CLCN3: variants seen among roughly 807,000 people sequenced by gnomAD.
The protein encoded by CLCN3 is H(+)/Cl(-) exchange transporter 3.
A neutral mutation model predicts 83.4 loss-of-function variants in CLCN3; 16 were observed. That is an observed-to-expected ratio of 0.19 (90% confidence interval 0.13 to 0.29). The LOEUF (loss-of-function observed/expected upper bound fraction) is 0.29. Ranked by LOEUF, CLCN3 falls within the 10% of genes least tolerant of loss-of-function variation. The pLI, the probability that CLCN3 is intolerant of heterozygous loss-of-function variation, is 1.00. For synonymous variants in CLCN3, 322 were observed against 346.2 expected (o/e 0.93, Z 0.78); for missense variants, 544 against 1,006.0 (o/e 0.54, Z 6.21).
At chr4:169,633,645 A>G (rs1419269778) in intron 1 of CLCN3, among the ~76,000 whole-genome samples, 3 of 152,250 alleles carry the variant, frequency 2.0e-5, no homozygotes, top group African/African-American at 7.2e-5. Context: ...TGCAAGCCAC[A>G]TAGGTAATTT....
chr4:169,638,791 T>C lies in CLCN3; in HGVS notation c.160+2703T>C, dbSNP rs182377380. ...AAAGGATCTATTTGTGTTGCTCTTT[T>C]ATCAGGGAGGATAATTTTTCTAGAA... On this transcript the variant is annotated intron_variant, in intron 2 of 12. Coordinates refer to ENST00000513761, the MANE Select transcript of CLCN3 (RefSeq NM_001829.4). Among the ~76,000 whole-genome samples, 567 of 152,302 alleles carry C rather than the reference T, an allele frequency of 3.7e-3. 6 individuals are homozygous for C. Among genetic ancestry groups the C allele is most frequent in the African/African-American group, 0.012 (508 of 41,552 alleles).
At chr4:169,668,967 G>T (rs760801832) in intron 2 of CLCN3, among the ~76,000 whole-genome samples, 1 of 152,084 alleles carries the variant, frequency 6.6e-6, no homozygotes, top group Non-Finnish European at 1.5e-5. Context: ...AGCTGGGGAG[G>T]AGAAGGTATC....
intron 3 of CLCN3, among the ~76,000 whole-genome samples, chr4:169,687,243 T>C (rs1014608064): frequency 6.6e-6 from 1 of 152,184 alleles, no homozygotes; most frequent in African/African-American, 2.4e-5. Context: ...AGATTTTATA[T>C]AGTTTGTGGA....
intron 2 of CLCN3, among the ~76,000 whole-genome samples, chr4:169,662,284 A>G (rs1227668555): frequency 6.6e-6 from 1 of 152,162 alleles, no homozygotes; most frequent in Non-Finnish European, 1.5e-5. Context: ...GATGAGACTT[A>G]TTCTATTAAT....
intron 6 of CLCN3, 55 bp from the exon 7 acceptor site, chr4:169,692,059 T>C: frequency 2.7e-6 from 3 of 1,121,564 alleles, no homozygotes; most frequent in Non-Finnish European, 4.0e-6. Flanking sequence ...CTTGGATTCG[T>C]TACATTCTCA....
At chr4:169,666,204 A>G (rs563004447) in intron 2 of CLCN3, among the ~76,000 whole-genome samples, 1 of 152,330 alleles carries the variant, frequency 6.6e-6, no homozygotes, top group Non-Finnish European at 1.5e-5. Context: ...ATCAGTATAT[A>G]CCAAGTAGTA....
In CLCN3 at chr4:169,707,141, T is replaced by G. The variant is rs756899030; in HGVS notation, c.2024T>G (p.Met675Arg). 6.2e-7 allele frequency: 1 copy of G among 1,614,078 alleles called. No homozygotes were observed. ...PPLAVLTQDN[M>R]TVDDIENMIN... The stretch of plus-strand genomic sequence containing the variant: ...TTAGCTGTCCTGACACAGGACAATA[T>G]GACAGTGGATGATATAGAAAACATG... The change falls in exon 11 of 13, where the codon ATG (methionine) becomes AGG (arginine). Residue 675 changes from methionine to arginine, a missense_variant. By Grantham distance (91) the Met-to-Arg change is moderately conservative. This residue lies in a region of CLCN3 where 142 missense variants were observed against 225.0 expected (regional missense o/e 0.63). Coordinates refer to ENST00000513761, the MANE Select transcript of CLCN3 (RefSeq NM_001829.4).
intron 2 of CLCN3, among the ~76,000 whole-genome samples, chr4:169,643,885 G>A (rs1363131262): frequency 2.0e-5 from 3 of 152,020 alleles, no homozygotes; most frequent in Non-Finnish European, 2.9e-5. Flanking sequence ...TTTTTTATTG[G>A]CAACAATATA....
chr4:169,714,485 A>G (rs13115372), intron 12 of CLCN3, among the ~76,000 whole-genome samples: 28,949 of 152,138 alleles, frequency 0.19, 3,542 homozygotes, highest in South Asian at 0.32. Flanking sequence ...TTAAAGCTCA[A>G]GAAGCTTTAA....
chr4:169,630,541 T>C (rs955992877), intron 1 of CLCN3, among the ~76,000 whole-genome samples: 3 of 152,034 alleles, frequency 2.0e-5, no homozygotes, highest in African/African-American at 7.2e-5. Context: ...TTATTTTTAT[T>C]TTTTTTTGAG....
intron 1 of CLCN3, among the ~76,000 whole-genome samples, chr4:169,633,887 C>T (rs1212513966): frequency 6.6e-6 from 1 of 151,928 alleles, no homozygotes; most frequent in Non-Finnish European, 1.5e-5. Flanking sequence ...GCTCGATAGC[C>T]GTATGTATGC....
chr4:169,700,097 C>T (rs1581266308), intron 9 of CLCN3, among the ~76,000 whole-genome samples: 1 of 152,244 alleles, frequency 6.6e-6, no homozygotes, highest in Admixed American at 6.5e-5. Flanking sequence ...TGACTCAGCT[C>T]TGGCTGAAGG....
chr4:169,710,925 C>T (rs138160668), intron 11 of CLCN3, among the ~76,000 whole-genome samples: 2 of 152,274 alleles, frequency 1.3e-5, no homozygotes, highest in East Asian at 3.9e-4. Flanking sequence ...AACTCCTGGG[C>T]TTCAGCAATC....
intron 9 of CLCN3, among the ~76,000 whole-genome samples, chr4:169,698,383 C>G (rs1289453978): frequency 2.6e-5 from 4 of 152,290 alleles, no homozygotes; most frequent in Non-Finnish European, 4.4e-5. Flanking sequence ...TACTGTGTCT[C>G]TTGTGCTCAC....
At chr4:169,661,634 A>T (rs1731060838) in intron 2 of CLCN3, among the ~76,000 whole-genome samples, 1 of 152,084 alleles carries the variant, frequency 6.6e-6, no homozygotes, top group Non-Finnish European at 1.5e-5. Context: ...AAGCTGTGTA[A>T]GGATCATGTT....
At chr4:169,670,703 G>A (rs778274111) in intron 2 of CLCN3, among the ~76,000 whole-genome samples, 1 of 152,260 alleles carries the variant, frequency 6.6e-6, no homozygotes, top group East Asian at 1.9e-4. Flanking sequence ...AATTACTTCG[G>A]GCAGTATGGC....
intron 2 of CLCN3, among the ~76,000 whole-genome samples, chr4:169,664,022 A>G (rs35582249): frequency 0.17 from 26,301 of 152,202 alleles, 2,918 homozygotes; most frequent in South Asian, 0.3. Flanking sequence ...TCACATACAC[A>G]GGGGACTCAA....
intron 2 of CLCN3, among the ~76,000 whole-genome samples, chr4:169,676,799 A>C (rs1731698780): frequency 6.6e-6 from 1 of 151,958 alleles, no homozygotes; most frequent in Non-Finnish European, 1.5e-5. Context: ...CACCTGGCCC[A>C]AAAGCTCTTT....
intron 3 of CLCN3, among the ~76,000 whole-genome samples, chr4:169,687,180 T>C (rs752909131): frequency 6.6e-6 from 1 of 152,220 alleles, no homozygotes; most frequent in African/African-American, 2.4e-5. Context: ...TAAAAGATGG[T>C]TATGTGTACC....
Sources: allele counts gnomAD v4.1 joint callset (sites outside exome capture counted in the v4.1 genomes callset), GRCh38; gene constraint gnomAD v4.1.1; regional missense constraint gnomAD v4.1.1; transcripts MANE v1.5; gene names NCBI Gene and HGNC (gene_info 2026-07-23, HGNC 2026-07-21).